Variants in MGAT4C observed in about 807,000 individuals in gnomAD.
The protein encoded by MGAT4C is MGAT4 family member C.
Under a neutral mutation model 40.1 loss-of-function variants are expected in MGAT4C, and 19 were observed. The ratio of observed to expected loss-of-function variants is 0.47; its 90% CI spans 0.33 to 0.70. The LOEUF (loss-of-function observed/expected upper bound fraction) is 0.70. Among genes scored for constraint, MGAT4C ranks in the 30% least tolerant of loss-of-function variants. The pLI, the probability that MGAT4C is intolerant of heterozygous loss-of-function variation, is 0.02. For missense variants in MGAT4C, 491 were observed against 563.2 expected (o/e 0.87, Z 1.30); for synonymous variants, 181 against 187.1 (o/e 0.97, Z 0.27).
At chr12:86,527,224 A>ATAAT (rs1187010672) in intron 2 of MGAT4C, among the ~76,000 whole-genome samples, 1 of 152,112 alleles carries the variant, frequency 6.6e-6, no homozygotes, top group Non-Finnish European at 1.5e-5. Context: ...TCCTTTGCAT[A>ATAAT]TAATTATCCA....
chr12:86,229,372 C>T (rs1372271525), intron 1 of MGAT4C, among the ~76,000 whole-genome samples: 1 of 151,796 alleles, frequency 6.6e-6, no homozygotes, highest in Non-Finnish European at 1.5e-5. Flanking sequence ...AAATCAGAAA[C>T]TGTAGTTGTG....
intron 3 of MGAT4C, among the ~76,000 whole-genome samples, chr12:85,988,878 A>G (rs1885562677): frequency 6.6e-6 from 1 of 152,010 alleles, no homozygotes; most frequent in Non-Finnish European, 1.5e-5. Flanking sequence ...TTCAGTGGGT[A>G]CAAATATAAA....
chr12:86,130,293 A>G (rs1307500493), intron 1 of MGAT4C, among the ~76,000 whole-genome samples: 2 of 152,164 alleles, frequency 1.3e-5, no homozygotes, highest in Admixed American at 6.5e-5. Context: ...AAATGAAAAT[A>G]CCCCACATAA....
intron 2 of MGAT4C, among the ~76,000 whole-genome samples, chr12:86,551,824 C>T (rs1027498471): frequency 1.3e-5 from 2 of 152,138 alleles, no homozygotes; most frequent in African/African-American, 4.8e-5. Context: ...GCAAATGTCA[C>T]TAGCATGGAT....
At position 86,173,731 on chromosome 12, in the gene MGAT4C, C is replaced by T. The variant is rs553453026; in HGVS notation, c.-57+82508G>A. 2.6e-5 allele frequency among the ~76,000 whole-genome samples: 4 copies of T among 151,870 alleles called. No homozygotes were observed. The South Asian group carries it at 8.3e-4, about 32-fold the overall frequency. Reference sequence around the variant, plus strand: ...AAATGTATGTGTGGGATGTGTTACGCTGGGATAAATTTTTTGTAAATATAG... The same window carrying T: ...AAATGTATGTGTGGGATGTGTTACGTTGGGATAAATTTTTTGTAAATATAG... On this transcript the variant is annotated intron_variant, in intron 1 of 4. Coordinates refer to ENST00000611864, the MANE Select transcript of MGAT4C (RefSeq NM_001351288.2).
chr12:86,416,704 G>A (rs1220624060), intron 3 of MGAT4C, among the ~76,000 whole-genome samples: 1 of 152,078 alleles, frequency 6.6e-6, no homozygotes, highest in Non-Finnish European at 1.5e-5. Context: ...TAGCCAGGAA[G>A]AAGTTGTGAA....
chr12:86,652,121 A>G (rs1438130321), intron 2 of MGAT4C, among the ~76,000 whole-genome samples: 1 of 151,874 alleles, frequency 6.6e-6, no homozygotes, highest in Non-Finnish European at 1.5e-5. Context: ...AGCAACCACT[A>G]TGTCCTCCTC....
At chr12:86,504,137 C>G (rs548205492) in intron 2 of MGAT4C, among the ~76,000 whole-genome samples, 3 of 151,964 alleles carry the variant, frequency 2.0e-5, no homozygotes, top group South Asian at 4.1e-4. Flanking sequence ...CACTGTAAAT[C>G]TTCAGAATGG....
At chr12:86,717,086 T>C (rs1265341723) in intron 2 of MGAT4C, among the ~76,000 whole-genome samples, 1 of 152,070 alleles carries the variant, frequency 6.6e-6, no homozygotes, top group African/African-American at 2.4e-5. Flanking sequence ...TAATCAAATG[T>C]TGTGCTCTTT....
intron 1 of MGAT4C, among the ~76,000 whole-genome samples, chr12:86,764,477 T>A (rs1370026609): frequency 5.9e-5 from 9 of 151,298 alleles, no homozygotes; most frequent in Admixed American, 3.3e-4. Context: ...TCTGCAGACT[T>A]AAATGTCCCT....
intron 1 of MGAT4C, among the ~76,000 whole-genome samples, chr12:86,809,492 T>C (rs1453288100): frequency 6.6e-6 from 1 of 151,990 alleles, no homozygotes; most frequent in Non-Finnish European, 1.5e-5. Flanking sequence ...CATTTTACCT[T>C]CCCACCAGCA....
intron 1 of MGAT4C, among the ~76,000 whole-genome samples, chr12:86,248,415 C>T (rs1952132780): frequency 6.6e-6 from 1 of 151,830 alleles, no homozygotes; most frequent in Admixed American, 6.6e-5. Flanking sequence ...GTTCTTTCCC[C>T]CAAATATTTA....
intron 4 of MGAT4C, among the ~76,000 whole-genome samples, chr12:86,332,890 A>C (rs1213261898): frequency 6.6e-6 from 1 of 152,148 alleles, no homozygotes; most frequent in Non-Finnish European, 1.5e-5. Flanking sequence ...TTGCATATTA[A>C]GTGATAGTCA....
At chr12:86,345,276 ATTTTT>A (rs1192720698) in intron 3 of MGAT4C, among the ~76,000 whole-genome samples, 3 of 150,574 alleles carry the variant, frequency 2.0e-5, no homozygotes, top group Non-Finnish European at 4.4e-5. Flanking sequence ...ATTTTATTTT[ATTTTT>A]ATTATTATTA....
At chr12:86,248,420 T>C (rs1356021611) in intron 1 of MGAT4C, among the ~76,000 whole-genome samples, 2 of 151,950 alleles carry the variant, frequency 1.3e-5, no homozygotes, top group African/African-American at 4.8e-5. Flanking sequence ...TTCCCCCAAA[T>C]ATTTACCTTT....
chr12:86,564,494 T>C (rs1387315214), intron 2 of MGAT4C, among the ~76,000 whole-genome samples: 1 of 152,224 alleles, frequency 6.6e-6, no homozygotes, highest in Non-Finnish European at 1.5e-5. Context: ...GATGGCATTA[T>C]GCTGATTGGG....
intron 2 of MGAT4C, among the ~76,000 whole-genome samples, chr12:86,620,010 C>T (rs1286363253): frequency 2.6e-5 from 4 of 152,070 alleles, no homozygotes; most frequent in Admixed American, 2.6e-4. Flanking sequence ...TGCTCAACAT[C>T]ACTAATCACT....
chr12:86,129,914 T>G (rs1254613167), intron 1 of MGAT4C, among the ~76,000 whole-genome samples: 1 of 152,202 alleles, frequency 6.6e-6, no homozygotes, highest in Non-Finnish European at 1.5e-5. Flanking sequence ...AGTCTACCCC[T>G]ACAACATAAA....
At chr12:86,362,597 A>G (rs778748831) in intron 3 of MGAT4C, among the ~76,000 whole-genome samples, 9 of 152,150 alleles carry the variant, frequency 5.9e-5, no homozygotes, top group Non-Finnish European at 1.5e-5. Flanking sequence ...TTTAAATATA[A>G]TTGTACCAAG....
Sources: allele counts gnomAD v4.1 joint callset (sites outside exome capture counted in the v4.1 genomes callset), GRCh38; gene constraint gnomAD v4.1.1; transcripts MANE v1.5; gene names NCBI Gene and HGNC (gene_info 2026-07-23, HGNC 2026-07-21).